PSMA5: variants seen among roughly 807,000 people sequenced by gnomAD.
The protein encoded by PSMA5 is proteasome 20S subunit alpha 5, also known as proteasome subunit alpha type-5.
PSMA5 carries 3 observed loss-of-function variants against 34.5 expected under a neutral mutation model. The ratio of observed to expected loss-of-function variants is 0.09; its 90% confidence interval spans 0.04 to 0.22. The LOEUF (loss-of-function observed/expected upper bound fraction) is 0.22. Among genes scored for constraint, PSMA5 ranks in the 10% least tolerant of loss-of-function variants. The pLI is 1.00. For synonymous variants in PSMA5, 88 were observed against 95.8 expected (o/e 0.92, Z 0.47); for missense variants, 120 against 286.1 (o/e 0.42, Z 4.19).
intron 1 of PSMA5, among the ~76,000 whole-genome samples, chr1:109,422,642 T>C (rs909702477): frequency 6.6e-6 from 1 of 152,096 alleles, no homozygotes; most frequent in African/African-American, 2.4e-5. Flanking sequence ...CCGGCTAATT[T>C]TTGTATTTTT....
intron 1 of PSMA5, among the ~76,000 whole-genome samples, chr1:109,424,855 C>T (rs933147849): frequency 3.3e-5 from 5 of 152,096 alleles, no homozygotes; most frequent in East Asian, 3.9e-4. Context: ...GGAGTGGTGG[C>T]GCGCGCCTGT....
At chr1:109,406,657 A>T (rs113243151) in intron 8 of PSMA5, among the ~76,000 whole-genome samples, 308 of 152,242 alleles carry the variant, frequency 2.0e-3, no homozygotes, top group African/African-American at 7.0e-3. Context: ...ATACAGCCAG[A>T]CCTCATCTCT....
intron 1 of PSMA5, chr1:109,425,563 G>A (rs1466228824): frequency 1.3e-5 from 2 of 152,132 alleles, no homozygotes; most frequent in Non-Finnish European, 2.9e-5. Context: ...CAAAGAAAAT[G>A]TCTGCCTTCC....
intron 4 of PSMA5, 139 bp downstream of exon 4, chr1:109,412,929 T>A: frequency 1.5e-6 from 1 of 678,570 alleles, no homozygotes; most frequent in Non-Finnish European, 2.5e-6. Flanking sequence ...AAGTTCTAAC[T>A]GGGAATTCTA....
At chr1:109,409,040 T>C (rs1291105760) in intron 8 of PSMA5, among the ~76,000 whole-genome samples, 1 of 152,074 alleles carries the variant, frequency 6.6e-6, no homozygotes, top group Non-Finnish European at 1.5e-5. Flanking sequence ...TCAAGACTTT[T>C]CCACATCCTA....
intron 8 of PSMA5, among the ~76,000 whole-genome samples, chr1:109,406,518 C>G (rs1256722851): frequency 6.6e-6 from 1 of 152,072 alleles, no homozygotes; most frequent in Admixed American, 6.6e-5. Context: ...GGCAACACAG[C>G]AAGACCCCAT....
rs758362228 is a variant in PSMA5, at chr1:109,399,195, T to G, written c.*2818A>C. 6 of 152,230 alleles carry G rather than the reference T, an allele frequency of 3.9e-5. No individual in the cohort carries two copies. The highest frequency in any genetic ancestry group is 7.3e-5 in the Non-Finnish European group (5 of 68,040). The allele number at this position is 152,230 out of a possible 1,614,324, so 9.4% of individuals were successfully genotyped here. ...TTCAAACAAAAAGACTTAACGAATTTACAAATTTTTCCAAGACGTGAGAAG... is the reference window on the plus strand; with the variant it reads ...TTCAAACAAAAAGACTTAACGAATTGACAAATTTTTCCAAGACGTGAGAAG... On this transcript the variant is annotated 3_prime_UTR_variant, in exon 9 of 9. Transcript: ENST00000271308.
intron 4 of PSMA5, chr1:109,412,629 T>A (rs79150062): frequency 5.3e-5 from 8 of 150,482 alleles, no homozygotes; most frequent in Non-Finnish European, 1.0e-4. Context: ...CTACAAAGTT[T>A]AAAAAAAAAA....
intron 3 of PSMA5, 57 bp downstream of exon 3, chr1:109,415,180 T>C (rs1319865816): frequency 1.3e-5 from 20 of 1,559,258 alleles, no homozygotes; most frequent in South Asian, 3.6e-5. Flanking sequence ...TGGAACATCA[T>C]AGAGGACTAA....
At chr1:109,419,846 T>C (rs962892110) in intron 2 of PSMA5, among the ~76,000 whole-genome samples, 3 of 144,724 alleles carry the variant, frequency 2.1e-5, no homozygotes, top group African/African-American at 5.3e-5. Flanking sequence ...TGGTTGTGCA[T>C]AGCTGTAGTC....
intron 2 of PSMA5, among the ~76,000 whole-genome samples, chr1:109,420,001 T>C (rs1198720985): frequency 6.7e-6 from 1 of 150,298 alleles, no homozygotes; most frequent in Non-Finnish European, 1.5e-5. Flanking sequence ...GAATCCTTAA[T>C]AGGACACTTA....
rs1191137580 is a variant in PSMA5, at chr1:109,420,125, A to C, written c.96+1735T>G. On this transcript the variant is annotated intron_variant, in intron 2 of 8. Coordinates refer to ENST00000271308, the MANE Select transcript of PSMA5 (RefSeq NM_002790.4). ...AAAAAGAGAATTATTAACTCCAAGA[A>C]AAACAATGTTGTGCAGAAACAGAAA... Among the ~76,000 whole-genome samples, 3 of 152,244 alleles carry C rather than the reference A, an allele frequency of 2.0e-5. No individual in the cohort carries two copies. In the East Asian group the frequency reaches 5.8e-4, roughly 29 times the overall value.
chr1:109,420,150 AAAT>A (rs1443816559), intron 2 of PSMA5, among the ~76,000 whole-genome samples: 1 of 152,218 alleles, frequency 6.6e-6, no homozygotes, highest in Non-Finnish European at 1.5e-5. Flanking sequence ...AGAAACAGAA[AAAT>A]AATTATAAAA....
chr1:109,426,444 C>A lies in PSMA5; in HGVS notation c.-114G>T. 7.4e-7 allele frequency: 1 copy of A among 1,357,640 alleles called. No individual in the cohort carries two copies. Among genetic ancestry groups the A allele is most frequent in the Non-Finnish European group, 1.1e-6 (1 of 948,256 alleles). 84.1% of individuals were successfully genotyped at this position (1,357,640 alleles called of 1,614,324 possible). A position where few individuals can be genotyped will look rare whatever the true frequency, so the allele number is the denominator to read the frequency against. On this transcript the variant is annotated 5_prime_UTR_variant, in exon 1 of 9. Coordinates refer to ENST00000271308, the MANE Select transcript of PSMA5 (RefSeq NM_002790.4). The stretch of plus-strand genomic sequence containing the variant: ...CCCACACGGCCGCAGTACTAAGGAC[C>A]AACTGCGCGTGCGACCGCGACCTCT...
chr1:109,422,706 C>T (rs1654493390), intron 1 of PSMA5, among the ~76,000 whole-genome samples: 1 of 152,110 alleles, frequency 6.6e-6, no homozygotes, highest in Non-Finnish European at 1.5e-5. Context: ...CTCCTGACCT[C>T]GTGATCCACC....
Position 109,415,194 on chromosome 1 carries a change from A to G in PSMA5, c.223+43T>C, listed in dbSNP as rs1169398137. 2.5e-6 allele frequency: 4 copies of G among 1,596,706 alleles called. No homozygotes were observed. In the Admixed American group the frequency reaches 5.1e-5, roughly 20 times the overall value. ...TTGGAACATCATAGAGGACTAATTA[A>G]CCCAGACCAGATCCTACAGAACAGC... On this transcript the variant is annotated intron_variant, in intron 3 of 8. Coordinates refer to ENST00000271308, the MANE Select transcript of PSMA5 (RefSeq NM_002790.4).
At chr1:109,413,250 T>C in intron 3 of PSMA5, 115 bp from the exon 4 acceptor site, 15 of 868,430 alleles carry the variant, frequency 1.7e-5, no homozygotes, top group South Asian at 8.7e-5. Flanking sequence ...AGCTATCCCA[T>C]GGCATTTTAT....
chr1:109,411,250 A>T, intron 6 of PSMA5, 137 bp from the exon 7 acceptor site: 1 of 611,486 alleles, frequency 1.6e-6, no homozygotes, highest in Non-Finnish European at 2.9e-6. Context: ...GCACAGATCT[A>T]AAAGATGTTC....
intron 8 of PSMA5, among the ~76,000 whole-genome samples, chr1:109,408,894 T>C (rs1653889984): frequency 6.6e-6 from 1 of 152,110 alleles, no homozygotes. Flanking sequence ...TTTCACCATG[T>C]TGGGCAGGCT....
Sources: allele counts gnomAD v4.1 joint callset (sites outside exome capture counted in the v4.1 genomes callset), GRCh38; gene constraint gnomAD v4.1.1; transcripts MANE v1.5; gene names NCBI Gene and HGNC (gene_info 2026-07-23, HGNC 2026-07-21).